Variants in ADAM22 observed in about 807,000 individuals in gnomAD.
The protein encoded by ADAM22 is disintegrin and metalloproteinase domain-containing protein 22.
In ADAM22, 65 loss-of-function variants were observed where a neutral mutation model predicts 144.6. That is an observed-to-expected ratio of 0.45 (90% CI 0.37 to 0.55). The LOEUF is 0.55. Ranked by LOEUF, ADAM22 falls within the 20% of genes least tolerant of loss-of-function variation. The probability of loss-of-function intolerance (pLI) is 0.00; values close to 1 mark genes in which losing one functional copy is unlikely to be tolerated. For synonymous variants in ADAM22, 391 were observed against 412.6 expected (o/e 0.95, Z 0.63); for missense variants, 974 against 1,184.9 (o/e 0.82, Z 2.61).
At chr7:88,097,245 A>AGTG (rs1435174695) in intron 4 of ADAM22, among the ~76,000 whole-genome samples, 1 of 141,720 alleles carries the variant, frequency 7.1e-6, no homozygotes, top group African/African-American at 2.7e-5. Context: ...TCCACCTCCC[A>AGTG]CGTTCAAGCG....
intron 3 of ADAM22, among the ~76,000 whole-genome samples, chr7:88,015,208 T>C (rs1796295164): frequency 6.6e-6 from 1 of 152,236 alleles, no homozygotes; most frequent in Non-Finnish European, 1.5e-5. Context: ...GGGTTAAAGA[T>C]GATTGAGTTG....
At chr7:87,934,734 G>C (rs1840769177) in intron 1 of ADAM22, 184 bp downstream of exon 1, 1 of 656,830 alleles carries the variant, frequency 1.5e-6, no homozygotes, top group African/African-American at 1.9e-5. Context: ...GAGGCGCGCA[G>C]ATGCACTGGA....
chr7:87,983,697 A>G (rs896899765), intron 3 of ADAM22, among the ~76,000 whole-genome samples: 1 of 152,052 alleles, frequency 6.6e-6, no homozygotes, highest in Non-Finnish European at 1.5e-5. Flanking sequence ...TGGTGATAAT[A>G]GCATTTTTAT....
chr7:88,142,284 C>T (rs540056314), intron 14 of ADAM22, among the ~76,000 whole-genome samples: 3 of 152,300 alleles, frequency 2.0e-5, no homozygotes, highest in Non-Finnish European at 4.4e-5. Flanking sequence ...AAAGGAATCA[C>T]ATTTGGTTTT....
rs140557795 is a variant in ADAM22, at chr7:88,046,548, G to A, written c.324-29078G>A. On this transcript the variant is annotated intron_variant, in intron 3 of 31. Transcript: ENST00000413139. ...TCTCTTCATTCTGTTGATTGTTCCT[G>A]TGCAGAAGCTTTGTAGTTTGGTATT... 7.5e-3 allele frequency among the ~76,000 whole-genome samples: 1,136 copies of A among 152,186 alleles called. 13 individuals are homozygous for A. The highest frequency in any genetic ancestry group is 0.026 in the African/African-American group (1,089 of 41,522).
chr7:87,974,947 C>G (rs1851545601), intron 2 of ADAM22, among the ~76,000 whole-genome samples: 2 of 152,152 alleles, frequency 1.3e-5, no homozygotes, highest in Admixed American at 6.5e-5. Flanking sequence ...ACCCTGTTGC[C>G]TTCCACTTAT....
Position 88,143,123 on chromosome 7 carries a change from A to G in ADAM22, c.1318A>G (p.Lys440Glu). The change falls in exon 15 of 32, where the codon AAG (lysine) becomes GAG (glutamate). Residue 440 changes from lysine to glutamate, a missense_variant and splice_region_variant. Coordinates refer to ENST00000413139, the MANE Select transcript of ADAM22 (RefSeq NM_001324418.2). ...TGCCTGCCTTTTCAACAAACCTTCTAAGGTAATAAGTGTGGTTAATAAGGT... is the reference window on the plus strand; with the variant it reads ...TGCCTGCCTTTTCAACAAACCTTCTGAGGTAATAAGTGTGGTTAATAAGGT... ...GGACLFNKPS[K>E]LLDPPECGNG... The G allele has an allele frequency of 1.3e-6, 2 of 1,588,192 alleles. No individual in the cohort carries two copies. The highest frequency in any genetic ancestry group is 1.7e-6 in the Non-Finnish European group (2 of 1,157,336).
At chr7:87,998,109 T>C (rs1422595159) in intron 3 of ADAM22, among the ~76,000 whole-genome samples, 2 of 152,152 alleles carry the variant, frequency 1.3e-5, no homozygotes, top group East Asian at 1.9e-4. Flanking sequence ...AGGAGGAAGA[T>C]AGAGGCCGGA....
At chr7:87,982,508 A>C (rs1348238383) in intron 3 of ADAM22, among the ~76,000 whole-genome samples, 1 of 151,366 alleles carries the variant, frequency 6.6e-6, no homozygotes, top group Non-Finnish European at 1.5e-5. Context: ...ATGCGGTTGG[A>C]AAAGTAGAAG....
chr7:87,974,440 C>G (rs146640120), intron 2 of ADAM22, among the ~76,000 whole-genome samples: 236 of 152,280 alleles, frequency 1.5e-3, no homozygotes, highest in South Asian at 3.7e-3. Context: ...AGAAACCAGG[C>G]TCACATTTAT....
At position 88,052,106 on chromosome 7, in the gene ADAM22, C is replaced by T. The variant is rs143154391; in HGVS notation, c.324-23520C>T. ...TCCACCATGGGCCGTTTACTGCCCA[C>T]CACTTGGGGTGTCCCTGCTATCCAC... On this transcript the variant is annotated intron_variant, in intron 3 of 31. Transcript: ENST00000413139. Among the ~76,000 whole-genome samples, 160 of 152,208 alleles carry T rather than the reference C, an allele frequency of 1.1e-3. 1 individual carries two copies. Among genetic ancestry groups the T allele is most frequent in the African/African-American group, 3.7e-3 (152 of 41,506 alleles).
Position 88,145,214 on chromosome 7 carries a change from T to C in ADAM22, c.1392+18T>C. On this transcript the variant is annotated intron_variant, in intron 16 of 31. Transcript: ENST00000413139. ...CCCCGGCCGTAAGTCTCTGGTTGTT[T>C]TGATGATATTTTCTAGGTAATTCAG... The C allele has an allele frequency of 6.2e-7, 1 of 1,612,984 alleles. No homozygotes were observed. The highest frequency in any genetic ancestry group is 8.5e-7 in the Non-Finnish European group (1 of 1,179,414).
chr7:87,949,896 TAA>T (rs1844625039), intron 2 of ADAM22, among the ~76,000 whole-genome samples: 1 of 149,944 alleles, frequency 6.7e-6, no homozygotes, highest in East Asian at 1.9e-4. Flanking sequence ...GTCTATTATA[TAA>T]ATTATAACAT....
intron 3 of ADAM22, among the ~76,000 whole-genome samples, chr7:88,065,543 C>T (rs569237744): frequency 6.6e-6 from 1 of 152,130 alleles, no homozygotes; most frequent in South Asian, 2.1e-4. Flanking sequence ...GAGATAAGCA[C>T]TGCTAGCGTC....
At chr7:88,138,037 C>T (rs1177148924) in intron 14 of ADAM22, among the ~76,000 whole-genome samples, 1 of 151,956 alleles carries the variant, frequency 6.6e-6, no homozygotes, top group Non-Finnish European at 1.5e-5. Flanking sequence ...ACCTGTAGTC[C>T]CAGCTACTTG....
At chr7:88,042,317 G>T (rs907758784) in intron 3 of ADAM22, among the ~76,000 whole-genome samples, 2 of 151,986 alleles carry the variant, frequency 1.3e-5, no homozygotes, top group Non-Finnish European at 2.9e-5. Context: ...AGAGCATCTT[G>T]TAGGGAGGAA....
chr7:87,999,243 A>G lies in ADAM22; in HGVS notation c.323+20831A>G, dbSNP rs528383415. Among the ~76,000 whole-genome samples, 89 of 152,346 alleles carry G rather than the reference A, an allele frequency of 5.8e-4. 1 individual carries two copies. Among genetic ancestry groups the G allele is most frequent in the African/African-American group, 1.9e-3 (80 of 41,588 alleles). ...TTTAAAGATTCAGAAAAAGGTATCA[A>G]TGTTACAGATAAGAAGGGAAAAAGA... On this transcript the variant is annotated intron_variant, in intron 3 of 31. Transcript: ENST00000413139.
chr7:88,038,608 C>A (rs1392094101), intron 3 of ADAM22, among the ~76,000 whole-genome samples: 2 of 151,918 alleles, frequency 1.3e-5, no homozygotes, highest in South Asian at 2.1e-4. Flanking sequence ...GCGCGCACCA[C>A]CATGCCCGGC....
rs192615530 is a variant in ADAM22 at position 88,185,253 on chromosome 7, T to C, written c.2664-1362T>C. ...TACTATCTTACCAAAAATGGTCTTA[T>C]AAGCAGAAAAAGCAACTGAACCCTT... On this transcript the variant is annotated intron_variant, in intron 29 of 31. Coordinates refer to ENST00000413139, the MANE Select transcript of ADAM22 (RefSeq NM_001324418.2). Among the ~76,000 whole-genome samples, 14 of 152,318 alleles carry C rather than the reference T, an allele frequency of 9.2e-5. No individual in the cohort carries two copies. In the South Asian group the frequency reaches 1.0e-3, roughly 11 times the overall value.
Sources: allele counts gnomAD v4.1 joint callset (sites outside exome capture counted in the v4.1 genomes callset), GRCh38; gene constraint gnomAD v4.1.1; transcripts MANE v1.5; gene names NCBI Gene and HGNC (gene_info 2026-07-23, HGNC 2026-07-21).